The following PLXNA4 variants were observed in gnomAD, a reference collection of about 807,000 sequenced individuals.
PLXNA4 encodes plexin-A4.
PLXNA4 carries 44 observed loss-of-function variants against 191.8 expected under a neutral mutation model. The ratio of observed to expected loss-of-function variants is 0.23; its 90% confidence interval spans 0.18 to 0.29. The LOEUF is 0.29. Among genes scored for constraint, PLXNA4 ranks in the 10% least tolerant of loss-of-function variants. The pLI is 1.00. For missense variants in PLXNA4, 1,800 were observed against 2,488.8 expected (o/e 0.72, Z 5.89); for synonymous variants, 1,082 against 1,009.5 (o/e 1.07, Z -1.36).
At chr7:132,309,104 A>G (rs967982735) in intron 3 of PLXNA4, among the ~76,000 whole-genome samples, 4 of 152,200 alleles carry the variant, frequency 2.6e-5, no homozygotes, top group Non-Finnish European at 5.9e-5. Context: ...AAATGGACCC[A>G]GAGAACTTCC....
intron 25 of PLXNA4, among the ~76,000 whole-genome samples, chr7:132,151,196 A>C (rs1375211543): frequency 1.3e-5 from 2 of 151,960 alleles, no homozygotes; most frequent in Non-Finnish European, 1.5e-5. Context: ...GAAAGGAGAA[A>C]GAAGAAGAGA....
At chr7:132,176,771 T>A (rs1796479412) in intron 20 of PLXNA4, among the ~76,000 whole-genome samples, 1 of 151,876 alleles carries the variant, frequency 6.6e-6, no homozygotes, top group African/African-American at 2.4e-5. Flanking sequence ...TGTGAGTGCA[T>A]GAGTGTGTGT....
chr7:132,632,258 A>AT (rs1803507263), intron 2 of PLXNA4, among the ~76,000 whole-genome samples: 1 of 139,592 alleles, frequency 7.2e-6, no homozygotes, highest in South Asian at 2.3e-4. Flanking sequence ...AAAAAAAAAA[A>AT]TGGAGGAAGA....
At chr7:132,635,705 C>T (rs188051216) in intron 2 of PLXNA4, among the ~76,000 whole-genome samples, 12 of 152,230 alleles carry the variant, frequency 7.9e-5, no homozygotes, top group African/African-American at 2.4e-4. Context: ...CAACGAACCA[C>T]GGAAGATGCA....
At chr7:132,458,074 G>C (rs1003006672) in intron 3 of PLXNA4, among the ~76,000 whole-genome samples, 1 of 152,142 alleles carries the variant, frequency 6.6e-6, no homozygotes, top group Non-Finnish European at 1.5e-5. Flanking sequence ...GTGTCATTTA[G>C]AATAGTGGGC....
At position 132,253,782 on chromosome 7, in the gene PLXNA4, A is replaced by G. The variant is rs116625945; in HGVS notation, c.1504-12616T>C. ...CTGTCCGCCCAGAAGCTTCCTGCAG[A>G]AAACCCACACCAATTCCACCCAACA... On this transcript the variant is annotated intron_variant, in intron 4 of 31. Transcript: ENST00000321063. 8.2e-3 allele frequency among the ~76,000 whole-genome samples: 1,253 copies of G among 152,278 alleles called. 20 individuals are homozygous for G. The highest frequency in any genetic ancestry group is 0.029 in the African/African-American group (1,191 of 41,556).
intron 31 of PLXNA4, among the ~76,000 whole-genome samples, chr7:132,132,497 T>TA (rs1794991616): frequency 8.9e-6 from 1 of 111,886 alleles, no homozygotes; most frequent in Non-Finnish European, 1.8e-5. Context: ...GCTCTATTCT[T>TA]TTCTATTCTA....
At chr7:132,177,139 C>T (rs894695142) in intron 20 of PLXNA4, among the ~76,000 whole-genome samples, 8 of 148,842 alleles carry the variant, frequency 5.4e-5, no homozygotes, top group African/African-American at 1.7e-4. Flanking sequence ...GAGCATGTCA[C>T]TATGTGTGGG....
At chr7:132,527,970 T>C (rs1280726622) in intron 1 of PLXNA4, among the ~76,000 whole-genome samples, 1 of 152,168 alleles carries the variant, frequency 6.6e-6, no homozygotes, top group Non-Finnish European at 1.5e-5. Flanking sequence ...GCACCAGATA[T>C]CTGCAGAAAC....
chr7:132,608,968 G>T (rs1472208527), intron 2 of PLXNA4, among the ~76,000 whole-genome samples: 1 of 152,154 alleles, frequency 6.6e-6, no homozygotes, highest in African/African-American at 2.4e-5. Flanking sequence ...GCCAGGAACT[G>T]CCACCCCTGA....
chr7:132,213,832 T>C (rs79946187), intron 9 of PLXNA4, among the ~76,000 whole-genome samples: 4,684 of 152,274 alleles, frequency 0.031, 82 homozygotes, highest in Middle Eastern at 0.051. Context: ...GAATCAGATC[T>C]GGTCGCACTG....
chr7:132,505,642 G>A (rs1798436777), intron 2 of PLXNA4, among the ~76,000 whole-genome samples: 1 of 152,190 alleles, frequency 6.6e-6, no homozygotes, highest in African/African-American at 2.4e-5. Context: ...CTCCTAAGAT[G>A]TGTGACCTTG....
At chr7:132,319,336 A>C (rs1473281252) in intron 3 of PLXNA4, among the ~76,000 whole-genome samples, 1 of 152,130 alleles carries the variant, frequency 6.6e-6, no homozygotes, top group Non-Finnish European at 1.5e-5. Flanking sequence ...GGTGATTCCC[A>C]TGCAGTCCCC....
At chr7:132,307,617 T>C (rs1801576840) in intron 3 of PLXNA4, among the ~76,000 whole-genome samples, 1 of 151,940 alleles carries the variant, frequency 6.6e-6, no homozygotes, top group Admixed American at 6.6e-5. Context: ...AAAAGTGAAA[T>C]GGAAACTGCC....
chr7:132,166,063 G>A (rs546979903), intron 22 of PLXNA4, among the ~76,000 whole-genome samples: 104 of 152,182 alleles, frequency 6.8e-4, no homozygotes, highest in Admixed American at 1.5e-3. Context: ...TGGGCGTGGT[G>A]GCACGTGCCT....
chr7:132,606,879 C>T (rs544098217), intron 2 of PLXNA4, among the ~76,000 whole-genome samples: 4 of 152,268 alleles, frequency 2.6e-5, no homozygotes, highest in Admixed American at 6.5e-5. Flanking sequence ...AAGCAAATCA[C>T]GGGAAACAAG....
At chr7:132,561,412 T>C (rs1251503598) in intron 1 of PLXNA4, among the ~76,000 whole-genome samples, 1 of 138,422 alleles carries the variant, frequency 7.2e-6, no homozygotes, top group Admixed American at 7.1e-5. Flanking sequence ...CTCCTCCTCC[T>C]CTTCCTCCTC....
intron 1 of PLXNA4, among the ~76,000 whole-genome samples, chr7:132,563,314 C>T (rs1801431820): frequency 8.3e-6 from 1 of 120,566 alleles, no homozygotes. Flanking sequence ...TCCTCCTTCT[C>T]TTCCTCCTTC....
At chr7:132,440,423 A>G (rs1417834775) in intron 3 of PLXNA4, among the ~76,000 whole-genome samples, 1 of 152,168 alleles carries the variant, frequency 6.6e-6, no homozygotes, top group African/African-American at 2.4e-5. Context: ...CAAACTAACC[A>G]TCCTGAAACT....
Sources: gnomAD v4.1 joint callset for allele counts (sites outside exome capture counted in the v4.1 genomes callset) on GRCh38, gnomAD v4.1.1 for gene constraint, MANE v1.5 for transcripts, NCBI Gene and HGNC (gene_info 2026-07-23, HGNC 2026-07-21) for gene names.